USP6NL: variants seen among roughly 807,000 people sequenced by gnomAD.
USP6NL encodes USP6 N-terminal-like protein.
USP6NL carries 26 observed loss-of-function variants against 61.9 expected under a neutral mutation model. That is an observed-to-expected ratio of 0.42 (90% CI 0.31 to 0.58). The LOEUF is 0.58. Among genes scored for constraint, USP6NL ranks in the 20% least tolerant of loss-of-function variants. The pLI is 0.16. For synonymous variants in USP6NL, 432 were observed against 390.1 expected (o/e 1.11, Z -1.27); for missense variants, 1,114 against 1,034.3 (o/e 1.08, Z -1.06).
chr10:11,489,314 A>AT lies in USP6NL; in HGVS notation c.544-93dup. 1 of 1,498,802 alleles carries AT rather than the reference A, an allele frequency of 6.7e-7. No homozygotes were observed. The highest frequency in any genetic ancestry group is 9.0e-7 in the Non-Finnish European group (1 of 1,107,898). The allele number at this position is 1,498,802 out of a possible 1,614,324, so 92.8% of individuals were successfully genotyped here. A position where few individuals can be genotyped will look rare whatever the true frequency, so the allele number is the denominator to read the frequency against. ...AAAGCTACTCTATAAAAACCAGAAA[A>AT]TGCCTACACACATCATTTAATGGTC... On this transcript the variant is annotated intron_variant, in intron 9 of 14. Coordinates refer to ENST00000609104, the MANE Select transcript of USP6NL (RefSeq NM_014688.5). This position sits in a 1 kb window ranked among gnomAD's most constrained non-coding sequence, Gnocchi z 5.7.
chr10:11,501,561 C>A (rs1280996121), intron 6 of USP6NL, among the ~76,000 whole-genome samples: 2 of 152,208 alleles, frequency 1.3e-5, no homozygotes, highest in African/African-American at 2.4e-5. Context: ...TAATTAACTT[C>A]TTACACACTT....
rs200430535 is a variant in USP6NL at position 11,493,140 on chromosome 10, A to G, written c.473T>C (p.Phe158Ser). The G allele has an allele frequency of 6.2e-7, 1 of 1,610,830 alleles. No homozygotes were observed. Among genetic ancestry groups the G allele is most frequent in the East Asian group, 2.2e-5 (1 of 44,846 alleles). Residue 158 changes from phenylalanine to serine, a missense_variant, in exon 8 of 15, where the codon TTT becomes TCT. Physicochemically the swap from Phe to Ser is radical, Grantham distance 155. Coordinates refer to ENST00000609104, the MANE Select transcript of USP6NL (RefSeq NM_014688.5). Reference protein sequence around the residue: ...VNRTFRDHIMFRDRYGVKQQS... With the variant: ...VNRTFRDHIMSRDRYGVKQQS... ...TCACTTAACACCATATCTGTCTCTAAACATAATGTGGTCCCGAAATGTGCG... is the reference window on the plus strand; with the variant it reads ...TCACTTAACACCATATCTGTCTCTAGACATAATGTGGTCCCGAAATGTGCG...
At chr10:11,498,792 A>G (rs1341383825) in intron 7 of USP6NL, among the ~76,000 whole-genome samples, 1 of 152,154 alleles carries the variant, frequency 6.6e-6, no homozygotes, top group African/African-American at 2.4e-5. Context: ...GTAGGAAACA[A>G]AGTCCCACCA....
chr10:11,537,979 C>CA lies in USP6NL; in HGVS notation c.5-10413dup, dbSNP rs1014279713. 2.0e-5 allele frequency among the ~76,000 whole-genome samples: 3 copies of CA among 152,134 alleles called. No homozygotes were observed. Among genetic ancestry groups the CA allele is most frequent in the Non-Finnish European group, 4.4e-5 (3 of 68,026 alleles). On this transcript the variant is annotated intron_variant, in intron 2 of 14. Coordinates refer to ENST00000609104, the MANE Select transcript of USP6NL (RefSeq NM_014688.5). This position sits in a 1 kb window ranked among gnomAD's most constrained non-coding sequence, Gnocchi z 5.1. ...AGGTTGCTTGTTTTGTTTTTGTAAG[C>CA]ACATGTTTTTAAGATCATTGGGAAG...
At chr10:11,501,833 A>G (rs1834209328) in intron 6 of USP6NL, among the ~76,000 whole-genome samples, 1 of 151,822 alleles carries the variant, frequency 6.6e-6, no homozygotes, top group African/African-American at 2.4e-5. Flanking sequence ...TCCTCTTTTC[A>G]GTTCTTGCTA....
rs1033015529 is a variant in USP6NL, at chr10:11,548,325, C to A, written c.5-20758G>T. Among the ~76,000 whole-genome samples the A allele has an allele frequency of 1.3e-5, 2 of 152,184 alleles. No individual in the cohort carries two copies. The highest frequency in any genetic ancestry group is 2.9e-5 in the Non-Finnish European group (2 of 68,040). On this transcript the variant is annotated intron_variant, in intron 2 of 14. Coordinates refer to ENST00000609104, the MANE Select transcript of USP6NL (RefSeq NM_014688.5). The surrounding 1 kb of genome is among the most constrained non-coding windows in gnomAD (Gnocchi z 4.3). ...CAGCAGCACTATTACCTCCTTTGATCTGCAAACAAATATCCACTTTTATTT... is the reference window on the plus strand; with the variant it reads ...CAGCAGCACTATTACCTCCTTTGATATGCAAACAAATATCCACTTTTATTT...
chr10:11,523,479 A>T (rs1835289565), intron 4 of USP6NL, among the ~76,000 whole-genome samples: 1 of 152,332 alleles, frequency 6.6e-6, no homozygotes, highest in Admixed American at 6.5e-5. Flanking sequence ...AATTCATTTT[A>T]ACTTGATGGT....
At chr10:11,550,828 C>A (rs1836453737) in intron 2 of USP6NL, among the ~76,000 whole-genome samples, 3 of 150,824 alleles carry the variant, frequency 2.0e-5, no homozygotes, top group Admixed American at 6.6e-5. Flanking sequence ...TGAATAGACA[C>A]TTCACAAAAG....
rs541761641 is a variant in USP6NL, at chr10:11,481,754, T to C, written c.1078+16A>G. On this transcript the variant is annotated intron_variant, in intron 14 of 14. Transcript: ENST00000609104. The surrounding 1 kb of genome is among the most constrained non-coding windows in gnomAD (Gnocchi z 4.4). ...TTAATTATAACGTAGATATAAAGTA[T>C]TGGGGTAATTCTTACCAGGTTCTGG... The C allele has an allele frequency of 3.5e-5, 55 of 1,592,324 alleles. No individual in the cohort carries two copies. The highest frequency in any genetic ancestry group is 2.2e-4 in the East Asian group (10 of 44,704).
intron 6 of USP6NL, among the ~76,000 whole-genome samples, chr10:11,506,472 T>A (rs1022938788): frequency 1.3e-5 from 2 of 151,926 alleles, no homozygotes; most frequent in Admixed American, 1.3e-4. Context: ...CAAGACCCTA[T>A]CTCTAGAAAA....
chr10:11,550,601 C>G (rs1421132019), intron 2 of USP6NL, among the ~76,000 whole-genome samples: 1 of 151,666 alleles, frequency 6.6e-6, no homozygotes, highest in Non-Finnish European at 1.5e-5. Flanking sequence ...ACTAAAAATA[C>G]AAAAATTAGC....
rs1218085453 is a variant in USP6NL, at chr10:11,548,355, G to T, written c.5-20788C>A. Among the ~76,000 whole-genome samples the T allele has an allele frequency of 6.6e-6, 1 of 152,016 alleles. No individual in the cohort carries two copies. The highest frequency in any genetic ancestry group is 1.5e-5 in the Non-Finnish European group (1 of 68,016). On this transcript the variant is annotated intron_variant, in intron 2 of 14. Transcript: ENST00000609104. The surrounding 1 kb of genome is among the most constrained non-coding windows in gnomAD (Gnocchi z 4.3). ...AACAAATATCCACTTTTATTTTCTG[G>T]CTGTTAAGTCAATTTAATGGGTTCT...
intron 2 of USP6NL, among the ~76,000 whole-genome samples, chr10:11,551,549 G>A (rs545101979): frequency 6.2e-4 from 95 of 152,250 alleles, no homozygotes; most frequent in African/African-American, 2.2e-3. Flanking sequence ...TAGTTTAATC[G>A]TAATCACAAC....
intron 1 of USP6NL, among the ~76,000 whole-genome samples, chr10:11,610,928 CTAT>C (rs1368188824): frequency 1.3e-5 from 2 of 152,156 alleles, no homozygotes; most frequent in African/African-American, 4.8e-5. Context: ...GAGCGCCAAA[CTAT>C]TTTGCAAACT....
intron 2 of USP6NL, among the ~76,000 whole-genome samples, chr10:11,576,886 C>T (rs1415748508): frequency 6.6e-6 from 1 of 152,092 alleles, no homozygotes; most frequent in African/African-American, 2.4e-5. Context: ...CTAATAAGTT[C>T]CCTGGTAAGC....
intron 2 of USP6NL, among the ~76,000 whole-genome samples, chr10:11,572,585 C>T (rs1002410755): frequency 1.3e-5 from 2 of 151,910 alleles, no homozygotes; most frequent in East Asian, 3.8e-4. Context: ...TACTATCATG[C>T]TAAATCATTT....
intron 2 of USP6NL, among the ~76,000 whole-genome samples, chr10:11,567,486 A>G (rs945026859): frequency 3.3e-5 from 5 of 152,216 alleles, no homozygotes; most frequent in Non-Finnish European, 7.3e-5. Flanking sequence ...CCCACAACAT[A>G]CACAATTTTG....
In USP6NL at chr10:11,555,447, T is replaced by TAGAG. The variant is rs1278428957; in HGVS notation, c.5-27881_5-27880insCTCT. On this transcript the variant is annotated intron_variant, in intron 2 of 14. Transcript: ENST00000609104. ...AAAAAAAAAAAAATATATATATATATATATAGAGAGAGAGAGAGAGAGAAA... is the reference window on the plus strand; with the variant it reads ...AAAAAAAAAAAAATATATATATATATAGAGATATAGAGAGAGAGAGAGAGAGAAA... Among the ~76,000 whole-genome samples, 8 of 73,714 alleles carry TAGAG rather than the reference T, an allele frequency of 1.1e-4. No homozygotes were observed. In the East Asian group the frequency reaches 3.6e-3, roughly 34 times the overall value. The allele number at this position is 73,714 out of a possible 152,430, so 48.4% of individuals were successfully genotyped here. A position where few individuals can be genotyped will look rare whatever the true frequency, so the allele number is the denominator to read the frequency against.
Position 11,485,877 on chromosome 10 carries a change from C to T in USP6NL, c.699G>A (p.Arg233=). ...FFVQGFPKLL[R]FQEHHEKILN... ...GTATTTTTTCATGATGTTCTTGAAACCTCAAGAGTTTAGGAAAACCTTGGA... is the reference window on the plus strand; with the variant it reads ...GTATTTTTTCATGATGTTCTTGAAATCTCAAGAGTTTAGGAAAACCTTGGA... Residue 233 remains arginine, a synonymous_variant, in exon 11 of 15, where the codon AGG becomes AGA. Coordinates refer to ENST00000609104, the MANE Select transcript of USP6NL (RefSeq NM_014688.5). The surrounding 1 kb of genome is among the most constrained non-coding windows in gnomAD (Gnocchi z 4.8). The T allele has an allele frequency of 6.4e-7, 1 of 1,554,838 alleles. No homozygotes were observed. Among genetic ancestry groups the T allele is most frequent in the Non-Finnish European group, 8.7e-7 (1 of 1,149,426 alleles).
Sources: allele counts gnomAD v4.1 joint callset (sites outside exome capture counted in the v4.1 genomes callset), GRCh38; gene constraint gnomAD v4.1.1; non-coding constraint Gnocchi (gnomAD v3.1); transcripts MANE v1.5; gene names NCBI Gene and HGNC (gene_info 2026-07-23, HGNC 2026-07-21).